The following PCDHGB5 variants were observed in gnomAD, a reference collection of about 807,000 sequenced individuals.
PCDHGB5 encodes protocadherin gamma subfamily B, 5, also known as protocadherin gamma-B5.
A neutral mutation model predicts 62.9 loss-of-function variants in PCDHGB5; 48 were observed. The ratio of observed to expected loss-of-function variants is 0.76; its 90% confidence interval spans 0.61 to 0.97. The LOEUF (loss-of-function observed/expected upper bound fraction) is 0.97. Among genes scored for constraint, PCDHGB5 ranks in the 50% least tolerant of loss-of-function variants. The pLI is 0.00. For missense variants in PCDHGB5, 1,118 were observed against 1,198.6 expected, an observed-to-expected ratio of 0.93 and a Z score of 0.99; for synonymous variants, 474 against 511.2, an observed-to-expected ratio of 0.93 and a Z score of 0.98.
At chr5:141,423,265 G>C in intron 1 of PCDHGB5, 1 of 1,613,666 alleles carries the variant, frequency 6.2e-7, no homozygotes, top group Non-Finnish European at 8.5e-7. Flanking sequence ...CGGCAGCCTC[G>C]AGTCTCTGGC....
intron 1 of PCDHGB5, among the ~76,000 whole-genome samples, chr5:141,435,743 G>T (rs3805699): frequency 0.11 from 17,212 of 152,168 alleles, 1,160 homozygotes; most frequent in African/African-American, 0.18. Context: ...TCTTTGAAAA[G>T]CATTGCTTGA....
intron 1 of PCDHGB5, among the ~76,000 whole-genome samples, chr5:141,456,572 C>T (rs958661783): frequency 6.6e-6 from 1 of 152,168 alleles, no homozygotes; most frequent in Non-Finnish European, 1.5e-5. Flanking sequence ...CCACATTTTC[C>T]CTGAGCCTGT....
chr5:141,432,374 C>A lies in PCDHGB5; in HGVS notation c.2397+31850C>A. 2.5e-6 allele frequency: 4 copies of A among 1,614,240 alleles called. No individual in the cohort carries two copies. Among genetic ancestry groups the A allele is most frequent in the Non-Finnish European group, 3.4e-6 (4 of 1,180,042 alleles). On this transcript the variant is annotated intron_variant, in intron 1 of 3. Coordinates refer to ENST00000617380, the MANE Select transcript of PCDHGB5 (RefSeq NM_018925.3). This position sits in a 1 kb window ranked among gnomAD's most constrained non-coding sequence, Gnocchi z 6.0. ...GAAAGTGATGGCGCGGGACAACGGG[C>A]ACCCGCCCCTCAGCAGCAACGTGTC...
At chr5:141,405,130 G>A in intron 1 of PCDHGB5, 1 of 1,614,012 alleles carries the variant, frequency 6.2e-7, no homozygotes, top group South Asian at 1.1e-5. Flanking sequence ...ATCTGCTGCG[G>A]GCTACCAGTG....
chr5:141,410,083 C>T (rs752701599), intron 1 of PCDHGB5: 102 of 1,612,590 alleles, frequency 6.3e-5, no homozygotes, highest in Non-Finnish European at 4.7e-5. Flanking sequence ...GGGAGGTGCG[C>T]ACGGCTCGAG....
intron 1 of PCDHGB5, chr5:141,415,563 T>G: frequency 1.2e-6 from 2 of 1,614,168 alleles, no homozygotes; most frequent in Non-Finnish European, 1.7e-6. Flanking sequence ...ATCCTTTGTC[T>G]TTGTTAGATG....
intron 1 of PCDHGB5, among the ~76,000 whole-genome samples, chr5:141,460,344 A>G (rs930557610): frequency 7.2e-5 from 11 of 152,060 alleles, no homozygotes; most frequent in African/African-American, 2.2e-4. Context: ...ATTTTCTCCT[A>G]TATTTTCTTT....
At chr5:141,474,041 GC>G (rs1242668125) in intron 1 of PCDHGB5, among the ~76,000 whole-genome samples, 3 of 152,140 alleles carry the variant, frequency 2.0e-5, no homozygotes. Context: ...CTGTACTCCA[GC>G]CTGGATGACA....
chr5:141,492,934 G>A (rs1382515835), intron 1 of PCDHGB5, among the ~76,000 whole-genome samples: 7 of 152,236 alleles, frequency 4.6e-5, no homozygotes, highest in Admixed American at 4.6e-4. Flanking sequence ...TAGGGTCAGA[G>A]ATTTGGAGGT....
At position 141,490,664 on chromosome 5, in the gene PCDHGB5, C is replaced by T; in HGVS notation, c.2398-4143C>T. 6.2e-7 allele frequency: 1 copy of T among 1,614,212 alleles called. No homozygotes were observed. The highest frequency in any genetic ancestry group is 1.1e-5 in the South Asian group (1 of 91,084). On this transcript the variant is annotated intron_variant, in intron 1 of 3. Coordinates refer to ENST00000617380, the MANE Select transcript of PCDHGB5 (RefSeq NM_018925.3). The surrounding 1 kb of genome is among the most constrained non-coding windows in gnomAD (Gnocchi z 5.4). ...CGGCCTCCGGGCTCCCTTCTTTGCA[C>T]TGTGGCTGCCTCAGATCCAGACACT...
intron 1 of PCDHGB5, among the ~76,000 whole-genome samples, chr5:141,461,906 C>A (rs2154567542): frequency 6.6e-6 from 1 of 152,270 alleles, no homozygotes; most frequent in South Asian, 2.1e-4. Context: ...TCACTGCAAC[C>A]TCTGCCTCCT....
At chr5:141,401,861 G>T (rs934405271) in intron 1 of PCDHGB5, among the ~76,000 whole-genome samples, 1 of 152,122 alleles carries the variant, frequency 6.6e-6, no homozygotes, top group African/African-American at 2.4e-5. Flanking sequence ...TAACCTTTCA[G>T]TAGTTTTCTT....
At chr5:141,483,737 G>A (rs1052778197) in intron 1 of PCDHGB5, among the ~76,000 whole-genome samples, 4 of 152,102 alleles carry the variant, frequency 2.6e-5, no homozygotes, top group South Asian at 2.1e-4. Context: ...TAGTCAAAAG[G>A]ATATTCCTGA....
At chr5:141,430,874 C>A in intron 1 of PCDHGB5, 2 of 1,598,990 alleles carry the variant, frequency 1.3e-6, no homozygotes, top group East Asian at 4.5e-5. Context: ...TCCGGAAGAG[C>A]TGGAGAAAGG....
At chr5:141,430,396 A>G (rs1433813025) in intron 1 of PCDHGB5, among the ~76,000 whole-genome samples, 5 of 151,842 alleles carry the variant, frequency 3.3e-5, no homozygotes, top group Non-Finnish European at 7.4e-5. Context: ...AAAAAAAAAA[A>G]GCTCACTAAA....
At chr5:141,405,868 C>T (rs528188485) in intron 1 of PCDHGB5, among the ~76,000 whole-genome samples, 1 of 152,280 alleles carries the variant, frequency 6.6e-6, no homozygotes, top group Non-Finnish European at 1.5e-5. Context: ...TCACTTTTCA[C>T]TGGGCCTAAT....
intron 2 of PCDHGB5, 102 bp from the exon 3 acceptor site, chr5:141,505,291 G>A (rs2154593677): frequency 1.3e-6 from 2 of 1,565,092 alleles, no homozygotes; most frequent in Non-Finnish European, 1.7e-6. Context: ...TGGGCATGGG[G>A]TAGGGTTAGG....
chr5:141,425,394 G>T (rs186813737), intron 1 of PCDHGB5, among the ~76,000 whole-genome samples: 10 of 152,302 alleles, frequency 6.6e-5, no homozygotes, highest in African/African-American at 2.4e-4. Context: ...TAGTGATAAA[G>T]TTCTGTTAAG....
rs767521224 is a variant in PCDHGB5 at position 141,431,148 on chromosome 5, C to T, written c.2397+30624C>T. 3.7e-6 allele frequency: 6 copies of T among 1,614,146 alleles called. No homozygotes were observed. Among genetic ancestry groups the T allele is most frequent in the Admixed American group, 1.7e-5 (1 of 60,030 alleles). On this transcript the variant is annotated intron_variant, in intron 1 of 3. Coordinates refer to ENST00000617380, the MANE Select transcript of PCDHGB5 (RefSeq NM_018925.3). The surrounding 1 kb of genome is among the most constrained non-coding windows in gnomAD (Gnocchi z 4.8). Reference sequence around the variant, plus strand: ...GAAGTAAGGGACATTAACGACAATGCGCCTTACTTTCGTGAAAGTGAATTA... The same window carrying T: ...GAAGTAAGGGACATTAACGACAATGTGCCTTACTTTCGTGAAAGTGAATTA...
Sources: allele counts gnomAD v4.1 joint callset (sites outside exome capture counted in the v4.1 genomes callset), GRCh38; gene constraint gnomAD v4.1.1; non-coding constraint Gnocchi (gnomAD v3.1); transcripts MANE v1.5; gene names NCBI Gene and HGNC (gene_info 2026-07-23, HGNC 2026-07-21).